The following CENPQ variants were observed in gnomAD, a reference collection of about 807,000 sequenced individuals.
The protein encoded by CENPQ is centromere protein Q.
Under a neutral mutation model 36.6 loss-of-function variants are expected in CENPQ, and 27 were observed. The ratio of observed to expected loss-of-function variants is 0.74; its 90% CI spans 0.54 to 1.02. The LOEUF is 1.02. CENPQ is among the 50% of genes least tolerant of loss of function. The pLI, the probability that CENPQ is intolerant of heterozygous loss-of-function variation, is 0.00. For synonymous variants in CENPQ, 101 were observed against 101.7 expected (o/e 0.99, Z 0.04); for missense variants, 306 against 301.8 (o/e 1.01, Z -0.10).
chr6:49,486,311 T>C (rs1236210122), intron 6 of CENPQ, among the ~76,000 whole-genome samples: 3 of 152,204 alleles, frequency 2.0e-5, no homozygotes, highest in Non-Finnish European at 4.4e-5. Context: ...ACAGAATGAA[T>C]TTCTGTTATT....
At chr6:49,475,375 C>T (rs187206088) in intron 5 of CENPQ, among the ~76,000 whole-genome samples, 128 of 152,218 alleles carry the variant, frequency 8.4e-4, no homozygotes, top group African/African-American at 2.8e-3. Context: ...ATTCAACAAC[C>T]CTTCATGCTA....
At chr6:49,473,281 T>C (rs1768189356) in intron 5 of CENPQ, among the ~76,000 whole-genome samples, 1 of 152,206 alleles carries the variant, frequency 6.6e-6, no homozygotes, top group Non-Finnish European at 1.5e-5. Flanking sequence ...TTTTCTAAGA[T>C]ATTATTGCTC....
chr6:49,470,111 CTTTTTTTGTATTA>C, intron 1 of CENPQ, 35 bp from the exon 2 acceptor site: 1 of 810,744 alleles, frequency 1.2e-6, no homozygotes, highest in South Asian at 1.7e-5. Context: ...AAGGCTTTAG[CTTTTTTTGTATTA>C]TTTTCATCTT....
rs953600928 is a variant in CENPQ at position 49,480,486 on chromosome 6, A to G, written c.348-465A>G. Reference sequence around the variant, plus strand: ...GTTTTCTTTGAAATCATTTAGAATAACTAATGTAAATCTTCTCTATTTTTG... The same window carrying G: ...GTTTTCTTTGAAATCATTTAGAATAGCTAATGTAAATCTTCTCTATTTTTG... On this transcript the variant is annotated intron_variant, in intron 5 of 8. Transcript: ENST00000335783. 6.6e-5 allele frequency among the ~76,000 whole-genome samples: 10 copies of G among 152,194 alleles called. No homozygotes were observed. The East Asian group carries it at 1.9e-3, about 29-fold the overall frequency.
rs114400046 is a variant in CENPQ at position 49,463,900 on chromosome 6, T to C, written c.-19+447T>C. Among the ~76,000 whole-genome samples the C allele has an allele frequency of 4.8e-3, 724 of 152,194 alleles. 5 individuals are homozygous for C. The highest frequency in any genetic ancestry group is 0.017 in the African/African-American group (691 of 41,512). On this transcript the variant is annotated intron_variant, in intron 1 of 8. Transcript: ENST00000335783. The stretch of plus-strand genomic sequence containing the variant: ...ATGCCTCCCTCTCTCCTAAAGCATA[T>C]AGTCTGGCGGCAAACTACTGTACCA...
intron 5 of CENPQ, among the ~76,000 whole-genome samples, chr6:49,474,522 G>A (rs1413088749): frequency 3.3e-5 from 5 of 152,144 alleles, no homozygotes; most frequent in African/African-American, 1.2e-4. Flanking sequence ...AAAGCAGTGT[G>A]TAGAGGGAAA....
At position 49,465,199 on chromosome 6, in the gene CENPQ, T is replaced by C. The variant is rs568776126; in HGVS notation, c.-19+1746T>C. 3.3e-5 allele frequency among the ~76,000 whole-genome samples: 5 copies of C among 152,340 alleles called. No homozygotes were observed. The South Asian group carries it at 1.0e-3, about 32-fold the overall frequency. On this transcript the variant is annotated intron_variant, in intron 1 of 8. Coordinates refer to ENST00000335783, the MANE Select transcript of CENPQ (RefSeq NM_018132.4). ...CCAAGTACGTGGTCATTGAGCAGTA[T>C]TATTTTGAAAGGAATCTTTTTGTGA... is the stretch of plus-strand genomic sequence containing the variant.
At chr6:49,481,345 A>G (rs1331006086) in intron 6 of CENPQ, among the ~76,000 whole-genome samples, 1 of 152,150 alleles carries the variant, frequency 6.6e-6, no homozygotes, top group Admixed American at 6.5e-5. Context: ...ACTGACTTCA[A>G]GAATGAAGCT....
At chr6:49,465,060 A>C (rs971625209) in intron 1 of CENPQ, among the ~76,000 whole-genome samples, 1 of 152,272 alleles carries the variant, frequency 6.6e-6, no homozygotes, top group African/African-American at 2.4e-5. Context: ...TAAATAATAT[A>C]ACTTGAAAGT....
At chr6:49,490,443 G>A (rs1581857910) in intron 8 of CENPQ, among the ~76,000 whole-genome samples, 2 of 152,180 alleles carry the variant, frequency 1.3e-5, no homozygotes, top group Admixed American at 6.5e-5. Flanking sequence ...AGGGAATGTC[G>A]TGGCTGGTTT....
rs560285740 is a variant in CENPQ, at chr6:49,473,026, G to T, written c.347+168G>T. ...TTTTTTCTAAACTGCTGCTCCACAT[G>T]TTTCTCAAATAAGTTTCAGGGGAAC... On this transcript the variant is annotated intron_variant, in intron 5 of 8. Coordinates refer to ENST00000335783, the MANE Select transcript of CENPQ (RefSeq NM_018132.4). Among the ~76,000 whole-genome samples the T allele has an allele frequency of 1.0e-3, 142 of 140,232 alleles. 1 individual carries two copies. The highest frequency in any genetic ancestry group is 3.8e-3 in the African/African-American group (127 of 33,064). The allele number at this position is 140,232 out of a possible 152,430, so 92.0% of individuals were successfully genotyped here. A position where few individuals can be genotyped will look rare whatever the true frequency, so the allele number is the denominator to read the frequency against.
chr6:49,482,839 T>A (rs1364353528), intron 6 of CENPQ, among the ~76,000 whole-genome samples: 1 of 151,698 alleles, frequency 6.6e-6, no homozygotes, highest in African/African-American at 2.4e-5. Flanking sequence ...GTTTCCGGAG[T>A]TTGTTCCTCC....
intron 1 of CENPQ, among the ~76,000 whole-genome samples, chr6:49,466,850 T>C (rs988056368): frequency 2.0e-5 from 3 of 152,216 alleles, no homozygotes; most frequent in African/African-American, 4.8e-5. Flanking sequence ...CCCAAAGATA[T>C]ACAGTTAATT....
chr6:49,474,342 T>A (rs1014966075), intron 5 of CENPQ, among the ~76,000 whole-genome samples: 10 of 151,966 alleles, frequency 6.6e-5, no homozygotes, highest in Non-Finnish European at 1.3e-4. Context: ...GCAATCAAAC[T>A]AGAACTCAGG....
chr6:49,490,011 C>T (rs911607600), intron 8 of CENPQ, among the ~76,000 whole-genome samples: 6 of 152,210 alleles, frequency 3.9e-5, no homozygotes, highest in African/African-American at 1.4e-4. Flanking sequence ...GATCAGTGAG[C>T]ATTGGCTTCA....
At chr6:49,489,421 G>C (rs1768667104) in intron 8 of CENPQ, among the ~76,000 whole-genome samples, 1 of 152,120 alleles carries the variant, frequency 6.6e-6, no homozygotes, top group Non-Finnish European at 1.5e-5. Context: ...TTCTCTTGCT[G>C]TTTCCACCAC....
chr6:49,472,698 G>A, intron 4 of CENPQ, 92 bp from the exon 5 acceptor site: 1 of 1,017,450 alleles, frequency 9.8e-7, no homozygotes, highest in Non-Finnish European at 1.3e-6. Flanking sequence ...TAGTGGGGAG[G>A]GGTACTTGAG....
chr6:49,469,802 C>G (rs1293565135), intron 1 of CENPQ, among the ~76,000 whole-genome samples: 1 of 152,060 alleles, frequency 6.6e-6, no homozygotes, highest in Non-Finnish European at 1.5e-5. Context: ...CTTTATATTT[C>G]TATTTCCTTG....
At position 49,481,081 on chromosome 6, in the gene CENPQ, G is replaced by T. The variant is rs1768416855; in HGVS notation, c.477+1G>T. On this transcript the variant is annotated splice_donor_variant, in intron 6 of 8. Coordinates refer to ENST00000335783, the MANE Select transcript of CENPQ (RefSeq NM_018132.4). LOFTEE classifies it high-confidence loss of function. ...TGAAGAAGGTCTGGCATTACTACAG[G>T]TATGAAATTTGAATAGGGAATCCAT... The T allele has an allele frequency of 6.3e-7, 1 of 1,592,336 alleles. No individual in the cohort carries two copies.
Sources: allele counts gnomAD v4.1 joint callset (sites outside exome capture counted in the v4.1 genomes callset), GRCh38; gene constraint gnomAD v4.1.1; transcripts MANE v1.5; gene names NCBI Gene and HGNC (gene_info 2026-07-23, HGNC 2026-07-21).